TUBGCP6: variants seen among roughly 807,000 people sequenced by gnomAD.
TUBGCP6 encodes the protein gamma-tubulin complex component 6.
TUBGCP6 carries 161 observed loss-of-function variants against 175.8 expected under a neutral mutation model. That is an observed-to-expected ratio of 0.92 (90% CI 0.81 to 1.04). The LOEUF (loss-of-function observed/expected upper bound fraction) is 1.04. Ranked by LOEUF, TUBGCP6 falls within the 50% of genes least tolerant of loss-of-function variation. The pLI is 0.00. For missense variants in TUBGCP6, 2,572 were observed against 2,433.0 expected, an observed-to-expected ratio of 1.06 and a Z score of -1.20; for synonymous variants, 1,173 against 1,030.5, an observed-to-expected ratio of 1.14 and a Z score of -2.65.
At chr22:50,240,023 T>A in intron 2 of TUBGCP6, 181 bp downstream of exon 2, 2 of 815,150 alleles carry the variant, frequency 2.5e-6, no homozygotes, top group South Asian at 3.4e-5. Context: ...CTGTTAGTGC[T>A]TTCCCCTCTG....
At chr22:50,240,428 C>T (rs777930490) in intron 1 of TUBGCP6, 61 bp from the exon 2 acceptor site, 16 of 1,591,320 alleles carry the variant, frequency 1.0e-5, no homozygotes, top group Middle Eastern at 3.3e-4. Flanking sequence ...CATCCAAGGG[C>T]GATGAGAATT....
intron 1 of TUBGCP6, among the ~76,000 whole-genome samples, chr22:50,242,023 G>C (rs1245041296): frequency 1.4e-5 from 2 of 147,506 alleles, no homozygotes; most frequent in Non-Finnish European, 3.0e-5. Context: ...CAATCAGGCC[G>C]GGCTCACGCC....
At position 50,240,191 on chromosome 22, in the gene TUBGCP6, G is replaced by C. The variant is rs17248329; in HGVS notation, c.905+13C>G. On this transcript the variant is annotated intron_variant, in intron 2 of 24. Transcript: ENST00000248846. ...TAGGGGCACTGCATGCCAAGGCAAA[G>C]AAGGGCACACACCAGCCAACTCGCT... The C allele has an allele frequency of 0.01, 16,835 of 1,613,216 alleles. 491 individuals are homozygous for C. The East Asian group carries it at 0.13, about 12-fold the overall frequency.
chr22:50,233,335 G>A lies in TUBGCP6; in HGVS notation c.1097C>T (p.Ala366Val). 1 of 1,613,630 alleles carries A rather than the reference G, an allele frequency of 6.2e-7. No homozygotes were observed. The highest frequency in any genetic ancestry group is 8.5e-7 in the Non-Finnish European group (1 of 1,179,798). The stretch of plus-strand genomic sequence containing the variant: ...TCTCACCTGGCAGAGCGAAAACGTG[G>A]CAGACACGACCCCAATCAAGACGTT... ...VLNVLIGVVS[A>V]TFSLCQPAQA... The change falls in exon 3 of 25, where the codon GCC becomes GTC. Residue 366 changes from alanine to valine, a missense_variant. Physicochemically the swap from Ala to Val is moderately conservative, Grantham distance 64 (BLOSUM62 0). Coordinates refer to ENST00000248846, the MANE Select transcript of TUBGCP6 (RefSeq NM_020461.4).
rs1484683213 is a variant in TUBGCP6, at chr22:50,224,265, C to T, written c.2155-9G>A. 6.2e-7 allele frequency: 1 copy of T among 1,614,214 alleles called. No individual in the cohort carries two copies. Among genetic ancestry groups the T allele is most frequent in the Non-Finnish European group, 8.5e-7 (1 of 1,180,056 alleles). ...CTGGCCGCCTGGCGTCGCTATAAAA[C>T]ACATAGAGCCTGGCCTGTGAAATCA... On this transcript the variant is annotated splice_polypyrimidine_tract_variant and intron_variant, in intron 12 of 24. Transcript: ENST00000248846.
In TUBGCP6 at chr22:50,219,145, A is replaced by G; in HGVS notation, c.4549T>C (p.Tyr1517His). The part of the protein sequence containing the change: ...FFVELHLEAH[Y>H]EALRHFLLME... ...AGCAGGAAGTGCCGCAGTGCCTCAT[A>G]GTGCGCCTCCAGGTGCAGCTCCACG... Residue 1517 changes from tyrosine (Y) to histidine (H), a missense_variant, in exon 20 of 25, where the codon TAT becomes CAT. Tyr to His is a moderately conservative substitution (Grantham distance 83). Coordinates refer to ENST00000248846, the MANE Select transcript of TUBGCP6 (RefSeq NM_020461.4). 1 of 1,613,086 alleles carries G rather than the reference A, an allele frequency of 6.2e-7. No individual in the cohort carries two copies. Among genetic ancestry groups the G allele is most frequent in the Non-Finnish European group, 8.5e-7 (1 of 1,179,972 alleles).
chr22:50,235,768 T>C (rs1193880926), intron 2 of TUBGCP6, among the ~76,000 whole-genome samples: 1 of 152,048 alleles, frequency 6.6e-6, no homozygotes, highest in Non-Finnish European at 1.5e-5. Context: ...GGTGAAACCC[T>C]GACTCTACTA....
chr22:50,239,939 T>A (rs2064819526), intron 2 of TUBGCP6, among the ~76,000 whole-genome samples: 1 of 152,136 alleles, frequency 6.6e-6, no homozygotes, highest in African/African-American at 2.4e-5. Flanking sequence ...ATCTGGTTAC[T>A]GGCACAGGGA....
intron 19 of TUBGCP6, 35 bp downstream of exon 19, chr22:50,219,253 G>C (rs755690038): frequency 2.9e-5 from 47 of 1,610,672 alleles, no homozygotes; most frequent in East Asian, 1.3e-4. Flanking sequence ...GGACGGGCTG[G>C]GTGGGCAGAC....
chr22:50,243,121 C>G (rs553449580), intron 1 of TUBGCP6, among the ~76,000 whole-genome samples: 1 of 152,208 alleles, frequency 6.6e-6, no homozygotes, highest in African/African-American at 2.4e-5. Context: ...TGGAGACCAG[C>G]CTGGCCAACA....
rs771811679 is a variant in TUBGCP6 at position 50,226,825 on chromosome 22, G to A, written c.1509C>T (p.Ser503=). ...TGTGCAGAGCCTCCTGGTAGAGGTA[G>A]GACAGCAGCTTCACGCCCTGCAGAC... ...AAFPTGVKLL[S]YLYQEALHNC... Residue 503 remains serine, a synonymous_variant, in exon 7 of 25, where the codon TCC becomes TCT. Transcript: ENST00000248846. 1 of 1,584,154 alleles carries A rather than the reference G, an allele frequency of 6.3e-7. No individual in the cohort carries two copies. Among genetic ancestry groups the A allele is most frequent in the African/African-American group, 1.3e-5 (1 of 74,844 alleles).
At chr22:50,243,508 C>T (rs1014074924) in intron 1 of TUBGCP6, among the ~76,000 whole-genome samples, 5 of 148,422 alleles carry the variant, frequency 3.4e-5, no homozygotes, top group African/African-American at 1.0e-4. Flanking sequence ...ATTTCAGCTA[C>T]TCGGGAGGCT....
Position 50,224,367 on chromosome 22 carries a change from G to C in TUBGCP6, c.2119C>G (p.Gln707Glu), listed in dbSNP as rs1470670513. 3.8e-5 allele frequency: 61 copies of C among 1,614,222 alleles called. No individual in the cohort carries two copies. Among genetic ancestry groups the C allele is most frequent in the Non-Finnish European group, 5.1e-5 (60 of 1,180,036 alleles). Residue 707 changes from glutamine to glutamate, a missense_variant, in exon 12 of 25, where the codon CAG becomes GAG. Transcript: ENST00000248846. The part of the protein sequence containing the change: ...ALDARKREQF[Q>E]RLKEQFVKDQ... ...TTCACAAATTGTTCTTTCAGCCTCT[G>C]AAACTGCTCACGCTTCCGGGCATCC...
In TUBGCP6 at chr22:50,240,298, G is replaced by A; in HGVS notation, c.811C>T (p.Gln271Ter). 1 of 1,613,926 alleles carries A rather than the reference G, an allele frequency of 6.2e-7. No homozygotes were observed. Among genetic ancestry groups the A allele is most frequent in the East Asian group, 2.2e-5 (1 of 44,888 alleles). Reference sequence around the variant, plus strand: ...TCTGGGGTCACGCTGGGCTCAGACTGGGAATCAGGAGTCAAGTTGGACGCT... The same window carrying A: ...TCTGGGGTCACGCTGGGCTCAGACTAGGAATCAGGAGTCAAGTTGGACGCT... Reference protein sequence around the residue: ...QSASNLTPDSQSEPSVTPDVD... With the variant: ...QSASNLTPDS The change falls in exon 2 of 25, where the codon CAG becomes TAG. Residue 271 changes from glutamine to a stop codon, truncating the protein, a stop_gained. Coordinates refer to ENST00000248846, the MANE Select transcript of TUBGCP6 (RefSeq NM_020461.4). LOFTEE classifies it high-confidence loss of function.
Position 50,218,226 on chromosome 22 carries a change from G to A in TUBGCP6, c.5131C>T (p.Arg1711Cys), listed in dbSNP as rs377474891. The A allele has an allele frequency of 9.3e-6, 15 of 1,612,618 alleles. No homozygotes were observed. The African/African-American group carries it at 1.2e-4, about 13-fold the overall frequency. ...ATVGDLEEIQ[R>C]AHAEYLHKAV... ...TTGTGCAGGTACTCTGCGTGCGCAC[G>A]CTGGATCTCCTCCAGGTCGCCCACG... The change falls in exon 23 of 25, where the codon CGT (arginine) becomes TGT (cysteine). Residue 1711 changes from arginine (R) to cysteine (C), a missense_variant. By Grantham distance (180) the Arg-to-Cys change is radical. Coordinates refer to ENST00000248846, the MANE Select transcript of TUBGCP6 (RefSeq NM_020461.4).
At position 50,244,162 on chromosome 22, in the gene TUBGCP6, G is replaced by T. The variant is rs773963945; in HGVS notation, c.298C>A (p.Pro100Thr). Residue 100 changes from proline to threonine, a missense_variant, in exon 1 of 25, where the codon CCT becomes ACT. Pro to Thr is a conservative substitution (Grantham distance 38). Coordinates refer to ENST00000248846, the MANE Select transcript of TUBGCP6 (RefSeq NM_020461.4). Reference sequence around the variant, plus strand: ...CCCACCTCCAAAAGCGGACAGCAAGGGGCTGCTTCCAGCTCCTCCACAAGC... The same window carrying T: ...CCCACCTCCAAAAGCGGACAGCAAGTGGCTGCTTCCAGCTCCTCCACAAGC... ...EELVEELEAA[P>T]CCPLLEVGSV... 6.2e-7 allele frequency: 1 copy of T among 1,613,406 alleles called. No individual in the cohort carries two copies.
rs537125675 is a variant in TUBGCP6, at chr22:50,233,408, G to T, written c.1024C>A (p.Pro342Thr). Reference sequence around the variant, plus strand: ...CACTCCTTCACCAGCACGGGCTGCGGGGCCTGTAGGACGCCCCCAGCAAGC... The same window carrying T: ...CACTCCTTCACCAGCACGGGCTGCGTGGCCTGTAGGACGCCCCCAGCAAGC... ...QLLAGGVLQAPQPVLVKECEL... is the reference protein window; with the variant it reads ...QLLAGGVLQATQPVLVKECEL... The change falls in exon 3 of 25, where the codon CCG (proline) becomes ACG (threonine). Residue 342 changes from proline (P) to threonine (T), a missense_variant. Pro to Thr is a conservative substitution (Grantham distance 38). Transcript: ENST00000248846. 4.3e-6 allele frequency: 7 copies of T among 1,613,978 alleles called. No individual in the cohort carries two copies. The South Asian group carries it at 6.6e-5, about 15-fold the overall frequency.
chr22:50,221,552 T>C lies in TUBGCP6; in HGVS notation c.2807A>G (p.Glu936Gly). 1 of 1,587,266 alleles carries C rather than the reference T, an allele frequency of 6.3e-7. No homozygotes were observed. The highest frequency in any genetic ancestry group is 8.6e-7 in the Non-Finnish European group (1 of 1,164,740). Residue 936 changes from glutamate to glycine, a missense_variant, in exon 16 of 25, where the codon GAG (glutamate) becomes GGG (glycine). Glu to Gly is a moderately conservative substitution (Grantham distance 98, BLOSUM62 -2). Coordinates refer to ENST00000248846, the MANE Select transcript of TUBGCP6 (RefSeq NM_020461.4). ...NLDLPPSAPG[E>G]APAAASTQPS... is the part of the protein sequence containing the mutation. ...CTGAGTGCTGGCTGCTGCGGGTGCC[T>C]CCCCAGGAGCTGAGGGGGGCAGGTC...
At chr22:50,221,939 C>T in intron 15 of TUBGCP6, 65 bp from the exon 16 acceptor site, 1 of 1,576,790 alleles carries the variant, frequency 6.3e-7, no homozygotes, top group South Asian at 1.2e-5. Context: ...AACTGTCCCC[C>T]AAGTTCAGCT....
Sources: gnomAD v4.1 joint callset for allele counts (sites outside exome capture counted in the v4.1 genomes callset) on GRCh38, gnomAD v4.1.1 for gene constraint, MANE v1.5 for transcripts, NCBI Gene and HGNC (gene_info 2026-07-23, HGNC 2026-07-21) for gene names.